PDE10A: variants seen among roughly 807,000 people sequenced by gnomAD.
PDE10A encodes cAMP and cAMP-inhibited cGMP 3',5'-cyclic phosphodiesterase 10A.
Under a neutral mutation model 97.7 loss-of-function variants are expected in PDE10A, and 39 were observed. That is an observed-to-expected ratio of 0.40 (90% CI 0.31 to 0.52). PDE10A has a LOEUF of 0.52. Ranked by LOEUF, PDE10A falls within the 20% of genes least tolerant of loss-of-function variation. The pLI, the probability that PDE10A is intolerant of heterozygous loss-of-function variation, is 0.56. For synonymous variants in PDE10A, 371 were observed against 376.8 expected, an observed-to-expected ratio of 0.98 and a Z score of 0.18; for missense variants, 731 against 1,047.8, an observed-to-expected ratio of 0.70 and a Z score of 4.17.
intron 1 of PDE10A, among the ~76,000 whole-genome samples, chr6:165,812,818 A>G (rs904917316): frequency 1.3e-4 from 20 of 152,200 alleles, no homozygotes; most frequent in African/African-American, 2.4e-5. Flanking sequence ...TTCATCATAC[A>G]AAAAGGAAAT....
chr6:165,866,188 C>G (rs1781038986), intron 1 of PDE10A, among the ~76,000 whole-genome samples: 1 of 151,934 alleles, frequency 6.6e-6, no homozygotes, highest in African/African-American at 2.4e-5. Context: ...ACAAGAAACT[C>G]ACTTCACCAG....
At chr6:165,700,896 G>A (rs1172562114) in intron 1 of PDE10A, among the ~76,000 whole-genome samples, 1 of 152,202 alleles carries the variant, frequency 6.6e-6, no homozygotes, top group Non-Finnish European at 1.5e-5. Context: ...CATTTGAAGT[G>A]TTTATTGATG....
chr6:165,816,194 C>G (rs1332060777), intron 1 of PDE10A, among the ~76,000 whole-genome samples: 1 of 152,196 alleles, frequency 6.6e-6, no homozygotes, highest in Non-Finnish European at 1.5e-5. Flanking sequence ...CGTGATCTGC[C>G]CGCCTTGGCC....
intron 2 of PDE10A, among the ~76,000 whole-genome samples, chr6:165,482,741 T>C (rs1219054544): frequency 1.3e-5 from 2 of 152,186 alleles, no homozygotes; most frequent in Non-Finnish European, 2.9e-5. Context: ...CGAAGGTTAG[T>C]TCCAGCAGAC....
At chr6:165,392,433 T>C (rs907234393) in intron 16 of PDE10A, among the ~76,000 whole-genome samples, 1 of 152,228 alleles carries the variant, frequency 6.6e-6, no homozygotes. Context: ...GATATTTTGA[T>C]GAAGTTAAAA....
At chr6:165,570,380 G>A (rs1036490628) in intron 1 of PDE10A, among the ~76,000 whole-genome samples, 35 of 152,084 alleles carry the variant, frequency 2.3e-4, no homozygotes, top group African/African-American at 8.0e-4. Flanking sequence ...CAAGCCACTA[G>A]GAGAAACAAT....
chr6:165,935,736 G>A (rs1783303267), intron 1 of PDE10A, among the ~76,000 whole-genome samples: 1 of 152,174 alleles, frequency 6.6e-6, no homozygotes, highest in Non-Finnish European at 1.5e-5. Context: ...ATAGATTAAT[G>A]CCACTATATC....
intron 2 of PDE10A, among the ~76,000 whole-genome samples, chr6:165,494,495 T>C (rs1278424571): frequency 6.8e-6 from 1 of 146,104 alleles, no homozygotes; most frequent in African/African-American, 2.6e-5. Flanking sequence ...ACAACAAACA[T>C]AGTAGTATTC....
At chr6:165,935,878 G>T (rs1300676285) in intron 1 of PDE10A, among the ~76,000 whole-genome samples, 1 of 152,192 alleles carries the variant, frequency 6.6e-6, no homozygotes, top group Non-Finnish European at 1.5e-5. Flanking sequence ...GTTCTCACAA[G>T]ATACAGCCCC....
intron 3 of PDE10A, among the ~76,000 whole-genome samples, chr6:165,481,706 ACTCAC>A: frequency 6.6e-6 from 1 of 151,078 alleles, no homozygotes; most frequent in East Asian, 2.0e-4. Context: ...TGCTTTCAGT[ACTCAC>A]CTGCCATAGT....
intron 1 of PDE10A, among the ~76,000 whole-genome samples, chr6:165,936,482 A>G (rs1003953746): frequency 1.3e-5 from 2 of 152,216 alleles, no homozygotes; most frequent in Non-Finnish European, 2.9e-5. Context: ...GAAAGAACAG[A>G]TGGTCACGAG....
intron 5 of PDE10A, among the ~76,000 whole-genome samples, chr6:165,439,688 C>T (rs1790289360): frequency 6.6e-6 from 1 of 152,152 alleles, no homozygotes; most frequent in South Asian, 2.1e-4. Context: ...ATTTTTATAT[C>T]TATTTCTAAA....
At chr6:165,338,667 A>C (rs1487010286) in intron 20 of PDE10A, among the ~76,000 whole-genome samples, 1 of 152,232 alleles carries the variant, frequency 6.6e-6, no homozygotes, top group African/African-American at 2.4e-5. Context: ...TTGTTTAGCC[A>C]ATGACAAAAT....
At chr6:165,942,843 G>A (rs575470691) in intron 1 of PDE10A, among the ~76,000 whole-genome samples, 1 of 152,220 alleles carries the variant, frequency 6.6e-6, no homozygotes, top group East Asian at 1.9e-4. Context: ...AGCCCATTCT[G>A]CTAGAACATT....
intron 1 of PDE10A, among the ~76,000 whole-genome samples, chr6:165,913,611 G>A (rs749144208): frequency 5.3e-5 from 8 of 152,106 alleles, no homozygotes; most frequent in Non-Finnish European, 8.8e-5. Context: ...CAGGACTGGC[G>A]TTTATGGACC....
At chr6:165,904,681 G>A (rs964797519) in intron 1 of PDE10A, among the ~76,000 whole-genome samples, 1 of 152,108 alleles carries the variant, frequency 6.6e-6, no homozygotes, top group Non-Finnish European at 1.5e-5. Context: ...AAGAAAAGAA[G>A]TATTCTTTTT....
rs553471998 is a variant in PDE10A, at chr6:165,673,214, T to C, written c.-614-129646A>G. 9.3e-4 allele frequency among the ~76,000 whole-genome samples: 141 copies of C among 152,372 alleles called. 6 individuals are homozygous for C. In the South Asian group the frequency reaches 0.025, roughly 27 times the overall value. The stretch of plus-strand genomic sequence containing the variant: ...TAGATGGAAGAAGGAGAAAGGGATG[T>C]GCACTTTAGAACTAGATATGGCACA... On this transcript the variant is annotated intron_variant, in intron 1 of 19. Transcript: ENST00000366882.
chr6:165,775,060 AG>A (rs941942356), intron 1 of PDE10A: 1 of 152,268 alleles, frequency 6.6e-6, no homozygotes, highest in Admixed American at 6.5e-5. Flanking sequence ...GGCCTGGGCA[AG>A]GAGGGAACTG....
chr6:165,347,324 T>C (rs1159536447), intron 18 of PDE10A, among the ~76,000 whole-genome samples: 2 of 152,136 alleles, frequency 1.3e-5, no homozygotes, highest in Non-Finnish European at 2.9e-5. Flanking sequence ...TCTTACTGTT[T>C]CCAATAACAT....
Sources: allele counts gnomAD v4.1 joint callset (sites outside exome capture counted in the v4.1 genomes callset), GRCh38; gene constraint gnomAD v4.1.1; transcripts MANE v1.5; gene names NCBI Gene and HGNC (gene_info 2026-07-23, HGNC 2026-07-21).